Variants in ARHGAP19 observed in about 807,000 individuals in gnomAD.
ARHGAP19 encodes the protein Rho GTPase activating protein 19.
Under a neutral mutation model 60.9 loss-of-function variants are expected in ARHGAP19, and 48 were observed. That is an observed-to-expected ratio of 0.79 (90% confidence interval 0.62 to 1.00). The LOEUF is 1.00. Among genes scored for constraint, ARHGAP19 ranks in the 50% least tolerant of loss-of-function variants. The pLI is 0.00. For missense variants in ARHGAP19, 562 were observed against 597.2 expected (o/e 0.94, Z 0.61); for synonymous variants, 209 against 215.5 (o/e 0.97, Z 0.27).
intron 1 of ARHGAP19, among the ~76,000 whole-genome samples, chr10:97,283,831 TA>T (rs55665818): frequency 0.047 from 5,974 of 126,762 alleles, 189 homozygotes; most frequent in Non-Finnish European, 0.059. Context: ...TCATCTCTAT[TA>T]AAAAAAAAAA....
Position 97,222,892 on chromosome 10 carries a change from C to T in ARHGAP19, c.*3230G>A, listed in dbSNP as rs1850829809. ...AGACAGAGTCTAGAGACATCTATTCCTAAAAATCACCTGGTTGCATGGCCA... is the reference window on the plus strand; with the variant it reads ...AGACAGAGTCTAGAGACATCTATTCTTAAAAATCACCTGGTTGCATGGCCA... On this transcript the variant is annotated 3_prime_UTR_variant, in exon 12 of 12. Coordinates refer to ENST00000358531, the MANE Select transcript of ARHGAP19 (RefSeq NM_032900.6). 1 of 152,160 alleles carries T rather than the reference C, an allele frequency of 6.6e-6. No homozygotes were observed. The highest frequency in any genetic ancestry group is 2.1e-4 in the South Asian group (1 of 4,820). The allele number at this position is 152,160 out of a possible 1,614,324, so 9.4% of individuals were successfully genotyped here.
chr10:97,239,551 G>GTTGT (rs1842440252), intron 8 of ARHGAP19, among the ~76,000 whole-genome samples: 10 of 20,218 alleles, frequency 4.9e-4, no homozygotes, highest in African/African-American at 7.0e-4. Flanking sequence ...AGAGAGAGAG[G>GTTGT]GTGTGTGTGT....
intron 11 of ARHGAP19, 131 bp downstream of exon 11, chr10:97,229,016 G>GA: frequency 1.2e-6 from 1 of 861,782 alleles, no homozygotes; most frequent in South Asian, 1.4e-5. Flanking sequence ...CAAGGGCAAG[G>GA]ACCTGGCCTT....
At chr10:97,239,340 A>T (rs1842431663) in intron 8 of ARHGAP19, among the ~76,000 whole-genome samples, 1 of 151,942 alleles carries the variant, frequency 6.6e-6, no homozygotes, top group Non-Finnish European at 1.5e-5. Flanking sequence ...TAAAATACAA[A>T]AAAAAATTAG....
At chr10:97,277,627 T>TAAAAAAA (rs1322225160) in intron 1 of ARHGAP19, 1 of 148,652 alleles carries the variant, frequency 6.7e-6, no homozygotes, top group African/African-American at 2.6e-5. Flanking sequence ...AATAAATAAA[T>TAAAAAAA]AAAAAAAATA....
chr10:97,291,466 G>GT (rs1433238561), intron 1 of ARHGAP19, among the ~76,000 whole-genome samples: 1 of 152,144 alleles, frequency 6.6e-6, no homozygotes, highest in African/African-American at 2.4e-5. Context: ...GCTAATTATT[G>GT]TATTTTTAGT....
rs1007116292 is a variant in ARHGAP19 at position 97,223,943 on chromosome 10, C to T, written c.*2179G>A. On this transcript the variant is annotated 3_prime_UTR_variant, in exon 12 of 12. Transcript: ENST00000358531. Reference sequence around the variant, plus strand: ...AAACATATTCAATAAATAAACAAAACACACATAAACCACCCAAGGAGACCA... The same window carrying T: ...AAACATATTCAATAAATAAACAAAATACACATAAACCACCCAAGGAGACCA... 3 of 152,122 alleles carry T rather than the reference C, an allele frequency of 2.0e-5. No homozygotes were observed. Among genetic ancestry groups the T allele is most frequent in the Non-Finnish European group, 2.9e-5 (2 of 68,022 alleles). The allele number at this position is 152,122 out of a possible 1,614,324, so 9.4% of individuals were successfully genotyped here. A position where few individuals can be genotyped will look rare whatever the true frequency, so the allele number is the denominator to read the frequency against.
At chr10:97,261,335 TA>T (rs35440359) in intron 4 of ARHGAP19, among the ~76,000 whole-genome samples, 39,169 of 151,886 alleles carry the variant, frequency 0.26, 5,235 homozygotes, top group Non-Finnish European at 0.3. Flanking sequence ...AAACAAAAAT[TA>T]TTTCCAGTTA....
intron 8 of ARHGAP19, among the ~76,000 whole-genome samples, chr10:97,240,394 G>A (rs1224124595): frequency 1.3e-5 from 2 of 152,220 alleles, no homozygotes; most frequent in Non-Finnish European, 2.9e-5. Flanking sequence ...ACTCATGCCT[G>A]TAATCCCAAC....
intron 6 of ARHGAP19, among the ~76,000 whole-genome samples, chr10:97,250,993 G>A (rs1243571191): frequency 2.0e-5 from 3 of 151,206 alleles, no homozygotes; most frequent in African/African-American, 7.3e-5. Context: ...AGCCTGGGAA[G>A]TCAAAGCTGC....
intron 4 of ARHGAP19, among the ~76,000 whole-genome samples, chr10:97,260,071 G>C (rs1257175995): frequency 1.3e-5 from 2 of 150,100 alleles, no homozygotes; most frequent in Non-Finnish European, 3.0e-5. Context: ...TCCTGACCTT[G>C]TGATCCGCCT....
intron 1 of ARHGAP19, among the ~76,000 whole-genome samples, chr10:97,278,689 AGGT>A (rs1254198947): frequency 1.3e-5 from 2 of 152,306 alleles, no homozygotes; most frequent in Admixed American, 6.5e-5. Context: ...CCTACATGTA[AGGT>A]GATATGCTCA....
intron 7 of ARHGAP19, among the ~76,000 whole-genome samples, chr10:97,244,801 C>A (rs1015214198): frequency 1.3e-5 from 2 of 151,422 alleles, no homozygotes; most frequent in African/African-American, 4.8e-5. Context: ...AAGCGGACAG[C>A]TTAAGTTTCT....
chr10:97,269,631 T>G (rs1043069572), intron 1 of ARHGAP19, among the ~76,000 whole-genome samples: 1 of 152,144 alleles, frequency 6.6e-6, no homozygotes, highest in Non-Finnish European at 1.5e-5. Flanking sequence ...TCACTGCCAA[T>G]GAGAAATTAC....
chr10:97,244,960 T>C (rs1203885740), intron 7 of ARHGAP19, among the ~76,000 whole-genome samples: 1 of 151,710 alleles, frequency 6.6e-6, no homozygotes, highest in African/African-American at 2.4e-5. Context: ...AAGGAAAGTA[T>C]GCTTGGAAGA....
rs188494966 is a variant in ARHGAP19, at chr10:97,222,262, A to G, written c.*3860T>C. On this transcript the variant is annotated 3_prime_UTR_variant, in exon 12 of 12. Coordinates refer to ENST00000358531, the MANE Select transcript of ARHGAP19 (RefSeq NM_032900.6). ...CATAGGATCGTTTCTTTACAATTAC[A>G]TATACATAGTCAAATAAGAATGAAA... The G allele has an allele frequency of 2.6e-4, 39 of 152,390 alleles. No homozygotes were observed. Among genetic ancestry groups the G allele is most frequent in the African/African-American group, 9.1e-4 (38 of 41,594 alleles). 9.4% of individuals were successfully genotyped at this position (152,390 alleles called of 1,614,324 possible).
intron 1 of ARHGAP19, among the ~76,000 whole-genome samples, chr10:97,274,307 A>G (rs1842997724): frequency 6.6e-6 from 1 of 152,102 alleles, no homozygotes; most frequent in African/African-American, 2.4e-5. Flanking sequence ...CTACTAAAAA[A>G]TACAAAAATT....
At chr10:97,235,425 C>A in intron 8 of ARHGAP19, 110 bp from the exon 9 acceptor site, 1 of 908,748 alleles carries the variant, frequency 1.1e-6, no homozygotes, top group South Asian at 1.6e-5. Flanking sequence ...ACTGAGTCTG[C>A]GCATAGATGG....
intron 11 of ARHGAP19, among the ~76,000 whole-genome samples, chr10:97,227,508 C>A (rs1157149606): frequency 1.3e-5 from 2 of 152,034 alleles, no homozygotes; most frequent in African/African-American, 4.8e-5. Flanking sequence ...AATAGGCAAA[C>A]AACAGTAAGC....
Sources: allele counts gnomAD v4.1 joint callset (sites outside exome capture counted in the v4.1 genomes callset), GRCh38; gene constraint gnomAD v4.1.1; transcripts MANE v1.5; gene names NCBI Gene and HGNC (gene_info 2026-07-23, HGNC 2026-07-21).